FKBP15: variants seen among roughly 807,000 people sequenced by gnomAD.
FKBP15 encodes FKBP prolyl isomerase family member 15.
FKBP15 carries 106 observed loss-of-function variants against 158.1 expected under a neutral mutation model. The observed-to-expected ratio is 0.67, with a 90% CI of 0.57 to 0.79. The LOEUF (loss-of-function observed/expected upper bound fraction) is 0.79, where lower values mean the gene tolerates loss of function less well. Among genes scored for constraint, FKBP15 ranks in the 30% least tolerant of loss-of-function variants. FKBP15 has a pLI of 0.00. For missense variants in FKBP15, 1,287 were observed against 1,479.1 expected (o/e 0.87, Z 2.13); for synonymous variants, 547 against 548.6 (o/e 1.00, Z 0.04).
intron 1 of FKBP15, among the ~76,000 whole-genome samples, chr9:113,217,548 C>A (rs1379206430): frequency 6.6e-6 from 1 of 152,146 alleles, no homozygotes; most frequent in Admixed American, 6.6e-5. Flanking sequence ...TCTGCATCAA[C>A]TTGGGAGATA....
Position 113,184,792 on chromosome 9 carries a change from A to G in FKBP15, c.1511T>C (p.Met504Thr). 1.3e-6 allele frequency: 2 copies of G among 1,596,650 alleles called. No homozygotes were observed. Among genetic ancestry groups the G allele is most frequent in the Non-Finnish European group, 8.5e-7 (1 of 1,171,078 alleles). Residue 504 changes from methionine (M) to threonine (T), a missense_variant, in exon 16 of 28, where the codon ATG becomes ACG. Transcript: ENST00000238256. The surrounding 1 kb of genome is among the most constrained non-coding windows in gnomAD (Gnocchi z 4.5). Reference sequence around the variant, plus strand: ...GGCTTCAGTCATGAGAAATGAAGCCATATCACCTGATCCTAAACAGATACA... The same window carrying G: ...GGCTTCAGTCATGAGAAATGAAGCCGTATCACCTGATCCTAAACAGATACA... Reference protein sequence around the residue: ...QPPHFQGSGDMASFLMTEARQ... With the variant: ...QPPHFQGSGDTASFLMTEARQ...
chr9:113,193,877 C>A, intron 10 of FKBP15, 150 bp downstream of exon 10: 3 of 907,276 alleles, frequency 3.3e-6, no homozygotes, highest in Non-Finnish European at 4.6e-6. Flanking sequence ...TCAGAAAAAT[C>A]TGATGCAAGT....
At chr9:113,213,714 C>T (rs1374371271) in intron 1 of FKBP15, among the ~76,000 whole-genome samples, 1 of 152,108 alleles carries the variant, frequency 6.6e-6, no homozygotes, top group Non-Finnish European at 1.5e-5. Context: ...CAGGACCCTG[C>T]AGAGAGTTCC....
At position 113,161,776 on chromosome 9, in the gene FKBP15, C is replaced by A; in HGVS notation, c.*4302G>T. 6.7e-7 allele frequency: 1 copy of A among 1,486,476 alleles called. No homozygotes were observed. The highest frequency in any genetic ancestry group is 2.3e-5 in the East Asian group (1 of 44,222). The allele number at this position is 1,486,476 out of a possible 1,614,324, so 92.1% of individuals were successfully genotyped here. On this transcript the variant is annotated 3_prime_UTR_variant, in exon 28 of 28. Coordinates refer to ENST00000238256, the MANE Select transcript of FKBP15 (RefSeq NM_015258.2). ...GACAGGCTGGCCCAGACAGCATTAG[C>A]CCCACTTCACAGAGAGGACAGCGAG...
intron 1 of FKBP15, among the ~76,000 whole-genome samples, chr9:113,216,451 G>A (rs1221669678): frequency 6.6e-6 from 1 of 152,146 alleles, no homozygotes; most frequent in East Asian, 1.9e-4. Flanking sequence ...AGGACTAAGA[G>A]GTTTAAATGA....
At position 113,166,304 on chromosome 9, in the gene FKBP15, C is replaced by G. The variant is rs1830098278; in HGVS notation, c.3583-149G>C. On this transcript the variant is annotated intron_variant, in intron 27 of 27. Transcript: ENST00000238256. ...AGGGCCAACTCTGAGGCCAGCAAAC[C>G]TAGGCTTCCAGATAAAGCTGAGACC... 5 of 628,232 alleles carry G rather than the reference C, an allele frequency of 8.0e-6. 1 individual carries two copies. The South Asian group carries it at 8.4e-5, about 11-fold the overall frequency. The allele number at this position is 628,232 out of a possible 1,614,324, so 38.9% of individuals were successfully genotyped here.
rs764682400 is a variant in FKBP15 at position 113,161,736 on chromosome 9, A to G, written c.*4342T>C. The G allele has an allele frequency of 8.1e-6, 13 of 1,602,918 alleles. No individual in the cohort carries two copies. Among genetic ancestry groups the G allele is most frequent in the Non-Finnish European group, 1.1e-5 (13 of 1,171,136 alleles). ...GGTATGGGAAAGGGGCAGAAGCCTC[A>G]CATTCACCCTGAGAGACAGGCTGGC... On this transcript the variant is annotated 3_prime_UTR_variant, in exon 28 of 28. Coordinates refer to ENST00000238256, the MANE Select transcript of FKBP15 (RefSeq NM_015258.2).
At chr9:113,180,582 C>T (rs1830379118) in intron 19 of FKBP15, among the ~76,000 whole-genome samples, 2 of 151,868 alleles carry the variant, frequency 1.3e-5, no homozygotes, top group South Asian at 2.1e-4. Context: ...ACAGGAAGAA[C>T]TAACAGTTCA....
chr9:113,190,414 A>G, intron 12 of FKBP15, 57 bp downstream of exon 12: 1 of 1,369,036 alleles, frequency 7.3e-7, no homozygotes, highest in Non-Finnish European at 1.0e-6. Flanking sequence ...ACCAAATGAA[A>G]AGAAAGATGA....
Position 113,209,699 on chromosome 9 carries a change from G to T in FKBP15, c.169+1778C>A, listed in dbSNP as rs534250891. 7.2e-5 allele frequency among the ~76,000 whole-genome samples: 11 copies of T among 152,284 alleles called. No individual in the cohort carries two copies. The South Asian group carries it at 1.0e-3, about 14-fold the overall frequency. Reference sequence around the variant, plus strand: ...AATCCAATTTTAGCCAGCATGATAAGGAAGGAAGTCTTCTCTGCTTTAACC... The same window carrying T: ...AATCCAATTTTAGCCAGCATGATAATGAAGGAAGTCTTCTCTGCTTTAACC... On this transcript the variant is annotated intron_variant, in intron 2 of 27. Transcript: ENST00000238256.
chr9:113,197,131 A>G (rs1830702670), intron 8 of FKBP15, 53 bp from the exon 9 acceptor site: 3 of 1,593,726 alleles, frequency 1.9e-6, no homozygotes, highest in Non-Finnish European at 2.6e-6. Flanking sequence ...CTCAGAAGAC[A>G]AAGTGAAGTA....
intron 4 of FKBP15, among the ~76,000 whole-genome samples, chr9:113,205,595 GAA>G (rs1377262359): frequency 6.6e-6 from 1 of 152,154 alleles, no homozygotes; most frequent in Non-Finnish European, 1.5e-5. Flanking sequence ...GGCTGCTGTG[GAA>G]AACAGTTTGG....
chr9:113,215,639 TATA>T (rs1181543507), intron 1 of FKBP15, among the ~76,000 whole-genome samples: 17 of 117,956 alleles, frequency 1.4e-4, no homozygotes, highest in South Asian at 5.8e-4. Flanking sequence ...TATATATATA[TATA>T]TATTTTTTTT....
intron 7 of FKBP15, among the ~76,000 whole-genome samples, chr9:113,199,425 G>A (rs1329882665): frequency 3.9e-5 from 6 of 152,072 alleles, no homozygotes; most frequent in Admixed American, 2.6e-4. Context: ...TTAAAACACA[G>A]TAAGTTCAAT....
rs1830459241 is a variant in FKBP15 at position 113,184,873 on chromosome 9, GT to G, written c.1499-70del. ...GAGGAAACTGTATGAAGAAAAGCTA[GT>G]AGCTCTTCCAGTAAAGAAAGAAATT... On this transcript the variant is annotated intron_variant, in intron 15 of 27. Transcript: ENST00000238256. This position sits in a 1 kb window ranked among gnomAD's most constrained non-coding sequence, Gnocchi z 4.5. The G allele has an allele frequency of 8.4e-7, 1 of 1,197,570 alleles. No homozygotes were observed. The highest frequency in any genetic ancestry group is 1.2e-6 in the Non-Finnish European group (1 of 838,694). The allele number at this position is 1,197,570 out of a possible 1,614,324, so 74.2% of individuals were successfully genotyped here. A position where few individuals can be genotyped will look rare whatever the true frequency, so the allele number is the denominator to read the frequency against.
At chr9:113,167,913 T>C (rs949932499) in intron 27 of FKBP15, among the ~76,000 whole-genome samples, 2 of 152,110 alleles carry the variant, frequency 1.3e-5, no homozygotes, top group Non-Finnish European at 2.9e-5. Context: ...CCAGGGATAT[T>C]GTGATGACAA....
intron 19 of FKBP15, among the ~76,000 whole-genome samples, chr9:113,179,406 G>A (rs758266794): frequency 6.6e-6 from 1 of 152,214 alleles, no homozygotes; most frequent in Non-Finnish European, 1.5e-5. Context: ...GCTCGCGCCT[G>A]TAATCCCACC....
rs1004794151 is a variant in FKBP15, at chr9:113,196,239, C to A, written c.864+693G>T. 1.1e-4 allele frequency among the ~76,000 whole-genome samples: 17 copies of A among 152,022 alleles called. 1 individual carries two copies. Among genetic ancestry groups the A allele is most frequent in the Admixed American group, 8.5e-4 (13 of 15,254 alleles). ...GCAGAGGTAGTCGTAGTAAAACGTA[C>A]ACACACACAATCTTTGCATACTTAT... On this transcript the variant is annotated intron_variant, in intron 9 of 27. Transcript: ENST00000238256.
At chr9:113,199,534 A>G (rs1199274286) in intron 7 of FKBP15, among the ~76,000 whole-genome samples, 1 of 152,238 alleles carries the variant, frequency 6.6e-6, no homozygotes, top group Non-Finnish European at 1.5e-5. Flanking sequence ...TAAAACTGGT[A>G]TAGGAGGACA....
Sources: gnomAD v4.1 joint callset for allele counts (sites outside exome capture counted in the v4.1 genomes callset) on GRCh38, gnomAD v4.1.1 for gene constraint, Gnocchi (gnomAD v3.1) non-coding constraint, MANE v1.5 for transcripts, NCBI Gene and HGNC (gene_info 2026-07-23, HGNC 2026-07-21) for gene names.